WDR31: variants seen among roughly 807,000 people sequenced by gnomAD.
WDR31 encodes the protein WD repeat-containing protein 31.
A neutral mutation model predicts 47.3 loss-of-function variants in WDR31; 30 were observed. The observed-to-expected ratio is 0.63, with a 90% confidence interval of 0.47 to 0.86. The LOEUF is 0.86. Among genes scored for constraint, WDR31 ranks in the 40% least tolerant of loss-of-function variants. WDR31 has a pLI of 0.00. For synonymous variants in WDR31, 137 were observed against 159.4 expected (o/e 0.86, Z 1.06); for missense variants, 406 against 442.9 (o/e 0.92, Z 0.75).
chr9:113,328,874 A>G lies in WDR31; in HGVS notation c.324+7T>C, dbSNP rs1833532462. On this transcript the variant is annotated splice_region_variant and intron_variant, in intron 5 of 10. Transcript: ENST00000374193. ...GATTGCCTTCATAATAATCATTTGA[A>G]AATTACCTTGGTGATCTCATGTTCA... 6.2e-7 allele frequency: 1 copy of G among 1,611,496 alleles called. No individual in the cohort carries two copies. The highest frequency in any genetic ancestry group is 2.2e-5 in the East Asian group (1 of 44,868).
intron 4 of WDR31, 24 bp downstream of exon 4, chr9:113,330,960 C>A (rs567953535): frequency 6.4e-7 from 1 of 1,567,460 alleles, no homozygotes. Flanking sequence ...AAGTTCATTT[C>A]CCGGGAAACA....
chr9:113,334,435 A>G (rs1227805079), intron 2 of WDR31, among the ~76,000 whole-genome samples: 2 of 152,206 alleles, frequency 1.3e-5, no homozygotes, highest in East Asian at 1.9e-4. Context: ...TATTTTTCAT[A>G]AAATGATGTT....
chr9:113,331,008 A>G lies in WDR31; in HGVS notation c.225T>C (p.Leu75=). The part of the protein sequence containing the change: ...VSVVAALNSD[L]CVSGGKDKTV... ...CCTTATCTTTCCCTCCAGAGACACA[A>G]AGGTCTGAGTTCAAAGCAGCCACGA... The change falls in exon 4 of 11, where the codon CTT becomes CTC. Residue 75 remains leucine, a synonymous_variant. Transcript: ENST00000374193. 6.2e-7 allele frequency: 1 copy of G among 1,610,098 alleles called. No homozygotes were observed. Among genetic ancestry groups the G allele is most frequent in the Non-Finnish European group, 8.5e-7 (1 of 1,176,988 alleles).
Position 113,316,318 on chromosome 9 carries a change from T to G in WDR31, c.*431A>C, listed in dbSNP as rs1371484363. The G allele has an allele frequency of 6.3e-6, 1 of 158,066 alleles. No individual in the cohort carries two copies. Among genetic ancestry groups the G allele is most frequent in the Non-Finnish European group, 1.4e-5 (1 of 71,628 alleles). The allele number at this position is 158,066 out of a possible 1,614,324, so 9.8% of individuals were successfully genotyped here. ...TCTTTCCCATCTCAATTATTTCTGA[T>G]GTAACCAAAACACTCTCTCTCCCCA... On this transcript the variant is annotated 3_prime_UTR_variant, in exon 11 of 11. Coordinates refer to ENST00000374193, the MANE Select transcript of WDR31 (RefSeq NM_001012361.4).
chr9:113,317,018 C>T, intron 10 of WDR31, 109 bp from the exon 11 acceptor site: 1 of 1,328,798 alleles, frequency 7.5e-7, no homozygotes. Context: ...ACATATCTAA[C>T]CCGTATGAGA....
chr9:113,331,169 TGGGG>T, intron 3 of WDR31, 53 bp from the exon 4 acceptor site: 1 of 59,476 alleles, frequency 1.7e-5, no homozygotes, highest in Non-Finnish European at 3.9e-5. Context: ...TGGATGGGGG[TGGGG>T]TGGGGTGGGG....
chr9:113,323,422 C>T (rs1833376913), intron 5 of WDR31, among the ~76,000 whole-genome samples: 1 of 152,094 alleles, frequency 6.6e-6, no homozygotes, highest in Non-Finnish European at 1.5e-5. Context: ...CCACCACGCC[C>T]AGCTAATTTT....
intron 5 of WDR31, among the ~76,000 whole-genome samples, chr9:113,324,140 A>G (rs1833396537): frequency 6.6e-6 from 1 of 152,062 alleles, no homozygotes; most frequent in Admixed American, 6.6e-5. Flanking sequence ...CATCACCACT[A>G]TCATCTCTAG....
rs922265417 is a variant in WDR31, at chr9:113,315,198, A to G, written c.*1551T>C. On this transcript the variant is annotated 3_prime_UTR_variant, in exon 11 of 11. Coordinates refer to ENST00000374193, the MANE Select transcript of WDR31 (RefSeq NM_001012361.4). Reference sequence around the variant, plus strand: ...AGCCCAGGAGTTTTAGACCACACAAACACACAAAAAATTAGCCAGGTGTGG... The same window carrying G: ...AGCCCAGGAGTTTTAGACCACACAAGCACACAAAAAATTAGCCAGGTGTGG... 4.0e-5 allele frequency: 6 copies of G among 151,768 alleles called. No individual in the cohort carries two copies. The highest frequency in any genetic ancestry group is 1.5e-4 in the African/African-American group (6 of 41,294). 9.4% of individuals were successfully genotyped at this position (151,768 alleles called of 1,614,324 possible). A position where few individuals can be genotyped will look rare whatever the true frequency, so the allele number is the denominator to read the frequency against.
chr9:113,316,864 G>A lies in WDR31; in HGVS notation c.989C>T (p.Ser330Phe). 1 of 1,614,186 alleles carries A rather than the reference G, an allele frequency of 6.2e-7. No homozygotes were observed. Among genetic ancestry groups the A allele is most frequent in the Non-Finnish European group, 8.5e-7 (1 of 1,180,036 alleles). ...GGAGATGGCGTCACCAACAGCCAGAGAAGTCAAGGGTCCTGATCCATCCAG... is the reference window on the plus strand; with the variant it reads ...GGAGATGGCGTCACCAACAGCCAGAAAAGTCAAGGGTCCTGATCCATCCAG... ...LSLDGSGPLT[S>F]LAVGDAISLL... Residue 330 changes from serine to phenylalanine, a missense_variant, in exon 11 of 11, where the codon TCT (serine) becomes TTT (phenylalanine). Transcript: ENST00000374193.
chr9:113,326,201 G>A (rs144866569), intron 5 of WDR31, among the ~76,000 whole-genome samples: 1,721 of 152,218 alleles, frequency 0.011, 26 homozygotes, highest in African/African-American at 0.039. Flanking sequence ...GTGAGCCACC[G>A]CACCCGGCCC....
chr9:113,330,345 C>G (rs1833569777), intron 4 of WDR31, among the ~76,000 whole-genome samples: 2 of 152,218 alleles, frequency 1.3e-5, no homozygotes, highest in South Asian at 4.1e-4. Context: ...AAGTGATCCG[C>G]CTGCCTTGGC....
At chr9:113,327,267 T>G (rs573947104) in intron 5 of WDR31, among the ~76,000 whole-genome samples, 31 of 152,350 alleles carry the variant, frequency 2.0e-4, no homozygotes, top group African/African-American at 6.5e-4. Context: ...TCATCTGACA[T>G]TAGCTTGTTA....
chr9:113,329,972 A>C (rs2118834056), intron 4 of WDR31, among the ~76,000 whole-genome samples: 1 of 152,110 alleles, frequency 6.6e-6, no homozygotes, highest in Non-Finnish European at 1.5e-5. Context: ...CAAGAGCAAA[A>C]CTCTGTCTCA....
At chr9:113,323,357 G>A (rs1171665990) in intron 5 of WDR31, among the ~76,000 whole-genome samples, 2 of 152,072 alleles carry the variant, frequency 1.3e-5, no homozygotes, top group African/African-American at 4.8e-5. Flanking sequence ...CACCTCCTGG[G>A]TTCAAGCGAT....
rs1833148115 is a variant in WDR31, at chr9:113,314,534, G to A, written c.*2215C>T. The A allele has an allele frequency of 1.3e-5, 2 of 151,976 alleles. No homozygotes were observed. Among genetic ancestry groups the A allele is most frequent in the South Asian group, 4.2e-4 (2 of 4,802 alleles). 9.4% of individuals were successfully genotyped at this position (151,976 alleles called of 1,614,324 possible). A position where few individuals can be genotyped will look rare whatever the true frequency, so the allele number is the denominator to read the frequency against. On this transcript the variant is annotated 3_prime_UTR_variant, in exon 11 of 11. Transcript: ENST00000374193. ...GGCAGAATGGTAAATGTTTAATATG[G>A]AAAAGGGAACATTTAGTCTGGACAG...
chr9:113,324,528 T>A (rs1416011437), intron 5 of WDR31, among the ~76,000 whole-genome samples: 1 of 151,920 alleles, frequency 6.6e-6, no homozygotes, highest in African/African-American at 2.4e-5. Context: ...TAGCTGGGAC[T>A]ATAAGTGTGC....
At chr9:113,321,447 C>A in intron 8 of WDR31, 64 bp downstream of exon 8, 1 of 1,497,098 alleles carries the variant, frequency 6.7e-7, no homozygotes, top group South Asian at 1.2e-5. Context: ...GGGAATGGAG[C>A]CATGTATGCA....
At chr9:113,323,209 T>C (rs1042394521) in intron 5 of WDR31, 54 bp from the exon 6 acceptor site, 45 of 1,571,832 alleles carry the variant, frequency 2.9e-5, no homozygotes, top group Non-Finnish European at 3.5e-5. Flanking sequence ...CTAGTTGGAC[T>C]GGACTTTAAA....
Sources: gnomAD v4.1 joint callset for allele counts (sites outside exome capture counted in the v4.1 genomes callset) on GRCh38, gnomAD v4.1.1 for gene constraint, MANE v1.5 for transcripts, NCBI Gene and HGNC (gene_info 2026-07-23, HGNC 2026-07-21) for gene names.